Variants in HERC1 observed in about 807,000 individuals in gnomAD.
HERC1 encodes the protein HECT and RLD domain containing E3 ubiquitin protein ligase family member 1, also known as probable E3 ubiquitin-protein ligase HERC1.
A neutral mutation model predicts 554.3 loss-of-function variants in HERC1; 160 were observed. The ratio of observed to expected loss-of-function variants is 0.29; its 90% CI spans 0.25 to 0.33. HERC1 has a LOEUF of 0.33. Among genes scored for constraint, HERC1 ranks in the 10% least tolerant of loss-of-function variants. The pLI, the probability that HERC1 is intolerant of heterozygous loss-of-function variation, is 1.00. For synonymous variants in HERC1, 2,175 were observed against 2,131.7 expected, an observed-to-expected ratio of 1.02 and a Z score of -0.56; for missense variants, 4,919 against 5,918.5, an observed-to-expected ratio of 0.83 and a Z score of 5.54.
chr15:63,632,403 G>C (rs2068600587), intron 68 of HERC1: 2 of 407,178 alleles, frequency 4.9e-6, no homozygotes, highest in Non-Finnish European at 9.2e-6. Flanking sequence ...AGCTCTGATG[G>C]TCAAGGCAGT....
intron 55 of HERC1, among the ~76,000 whole-genome samples, chr15:63,646,993 G>A (rs1278284655): frequency 6.6e-6 from 1 of 152,058 alleles, no homozygotes; most frequent in Non-Finnish European, 1.5e-5. Flanking sequence ...GTTGGCTCAC[G>A]CCTGTAATCC....
chr15:63,612,350 C>G lies in HERC1; in HGVS notation c.14301G>C (p.Glu4767Asp), dbSNP rs2067638472. 2.5e-6 allele frequency: 4 copies of G among 1,614,062 alleles called. No homozygotes were observed. The highest frequency in any genetic ancestry group is 3.4e-6 in the Non-Finnish European group (4 of 1,179,886). The change falls in exon 77 of 78, where the codon GAG becomes GAC. Residue 4767 changes from glutamate (E) to aspartate (D), a missense_variant. Physicochemically the swap from Glu to Asp is conservative, Grantham distance 45 (BLOSUM62 2). This residue lies in a region of HERC1 where 284 missense variants were observed against 294.1 expected (regional missense o/e 0.97). Coordinates refer to ENST00000443617, the MANE Select transcript of HERC1 (RefSeq NM_003922.4). This position sits in a 1 kb window ranked among gnomAD's most constrained non-coding sequence, Gnocchi z 5.0. ...CAAACCTCATGAAAAGCACCCGCTC[C>G]TCATTGGAGAACTCTTCCAGCGTGT... ...FWHTLEEFSN[E>D]ERVLFMRFVS... is the part of the protein sequence containing the mutation.
chr15:63,647,227 C>A (rs1402908060), intron 55 of HERC1, among the ~76,000 whole-genome samples: 1 of 151,162 alleles, frequency 6.6e-6, no homozygotes, highest in Non-Finnish European at 1.5e-5. Flanking sequence ...GCACTCCAGC[C>A]TGGGCGAAAA....
intron 73 of HERC1, among the ~76,000 whole-genome samples, chr15:63,623,123 C>T (rs1413486564): frequency 6.6e-6 from 1 of 152,160 alleles, no homozygotes; most frequent in East Asian, 1.9e-4. Context: ...GAAAGTCAAT[C>T]CAGGGCAGGA....
chr15:63,772,189 C>G (rs1214789080), intron 2 of HERC1, among the ~76,000 whole-genome samples: 1 of 151,604 alleles, frequency 6.6e-6, no homozygotes, highest in Non-Finnish European at 1.5e-5. Context: ...TGCATACAAG[C>G]CTAGACAATG....
chr15:63,624,338 A>G lies in HERC1; in HGVS notation c.13276-11T>C, dbSNP rs1179345774. ...ATGGGATGTGCTGTTCTGTAACAGA[A>G]GGTACGGTTATCAGAAATGGTACAA... On this transcript the variant is annotated splice_polypyrimidine_tract_variant and intron_variant, in intron 71 of 77. Transcript: ENST00000443617. 9 of 1,572,284 alleles carry G rather than the reference A, an allele frequency of 5.7e-6. No homozygotes were observed. Among genetic ancestry groups the G allele is most frequent in the Non-Finnish European group, 6.9e-6 (8 of 1,156,510 alleles).
At chr15:63,651,627 G>C (rs2069684429) in intron 52 of HERC1, among the ~76,000 whole-genome samples, 1 of 152,190 alleles carries the variant, frequency 6.6e-6, no homozygotes, top group South Asian at 2.1e-4. Flanking sequence ...TGTCAATAAA[G>C]ACATTCAAAT....
chr15:63,625,829 AAC>A (rs2068279572), intron 71 of HERC1, 154 bp downstream of exon 71: 2 of 796,382 alleles, frequency 2.5e-6, no homozygotes, highest in East Asian at 5.3e-5. Context: ...GACTGTCCCT[AAC>A]ACAGCAATAA....
intron 59 of HERC1, 35 bp from the exon 60 acceptor site, chr15:63,641,678 T>A (rs996617298): frequency 6.7e-6 from 10 of 1,481,918 alleles, no homozygotes; most frequent in Admixed American, 4.6e-5. Context: ...ATAATAAATT[T>A]GTTTAAATAA....
intron 19 of HERC1, among the ~76,000 whole-genome samples, chr15:63,721,441 G>A (rs1020348078): frequency 1.6e-4 from 25 of 152,100 alleles, no homozygotes; most frequent in South Asian, 2.1e-4. Flanking sequence ...CAGGAGAATC[G>A]TTTGAACTCG....
intron 14 of HERC1, among the ~76,000 whole-genome samples, chr15:63,731,851 G>C (rs937881764): frequency 5.9e-5 from 9 of 152,146 alleles, no homozygotes; most frequent in African/African-American, 2.2e-4. Context: ...GGGGTTATTT[G>C]GGCAAGGTTT....
intron 12 of HERC1, among the ~76,000 whole-genome samples, chr15:63,744,164 G>GTGTGTCTCTCTCTCTC: frequency 2.2e-5 from 1 of 46,222 alleles, no homozygotes; most frequent in Non-Finnish European, 5.3e-5. Flanking sequence ...GTGTGTGTGT[G>GTGTGTCTCTCTCTCTC]TCTCTCTCTC....
intron 64 of HERC1, 63 bp downstream of exon 64, chr15:63,637,442 T>G: frequency 5.7e-6 from 8 of 1,411,008 alleles, no homozygotes; most frequent in Non-Finnish European, 7.8e-6. Context: ...GGCAAAGGTT[T>G]GTACGACCAA....
At chr15:63,786,561 T>C (rs1331780473) in intron 1 of HERC1, among the ~76,000 whole-genome samples, 6 of 152,220 alleles carry the variant, frequency 3.9e-5, no homozygotes, top group Non-Finnish European at 8.8e-5. Flanking sequence ...CAGTGGAATA[T>C]TATTCAGCCA....
At chr15:63,780,345 AAGAC>A (rs1170472486) in intron 1 of HERC1, 2 of 152,196 alleles carry the variant, frequency 1.3e-5, no homozygotes, top group African/African-American at 4.8e-5. Context: ...AAATTATACA[AAGAC>A]AGAACAGGAA....
chr15:63,775,952 C>T lies in HERC1; in HGVS notation c.-26-303G>A, dbSNP rs1432873344. On this transcript the variant is annotated intron_variant, in intron 1 of 77. Coordinates refer to ENST00000443617, the MANE Select transcript of HERC1 (RefSeq NM_003922.4). This position sits in a 1 kb window ranked among gnomAD's most constrained non-coding sequence, Gnocchi z 4.0. ...GCTTGGGAGGCTGAGGCAGGAGAAT[C>T]GCTTGAACCTGGGAGGCGGAGGTTG... is the stretch of plus-strand genomic sequence containing the variant. 2.6e-5 allele frequency among the ~76,000 whole-genome samples: 4 copies of T among 151,248 alleles called. No individual in the cohort carries two copies. The highest frequency in any genetic ancestry group is 5.9e-5 in the Non-Finnish European group (4 of 67,890).
intron 74 of HERC1, among the ~76,000 whole-genome samples, chr15:63,622,090 T>G (rs1306083913): frequency 6.6e-6 from 1 of 152,196 alleles, no homozygotes; most frequent in Non-Finnish European, 1.5e-5. Flanking sequence ...GATCCAAAAT[T>G]CAAAATTTTG....
chr15:63,693,568 TAGGTTAGAGATGGCTTGTCAGGATCA>T (rs563052726), intron 30 of HERC1, among the ~76,000 whole-genome samples: 4,508 of 152,122 alleles, frequency 0.03, 102 homozygotes, highest in Middle Eastern at 0.054. Context: ...GGTCAGGACT[TAGGTTAGAGATGGCTTGTCAGGATCA>T]AGGTTAGAGA....
In HERC1 at chr15:63,758,288, C is replaced by T; in HGVS notation, c.1108G>A (p.Glu370Lys). 7 of 1,613,612 alleles carry T rather than the reference C, an allele frequency of 4.3e-6. No individual in the cohort carries two copies. Among genetic ancestry groups the T allele is most frequent in the Admixed American group, 1.7e-5 (1 of 59,988 alleles). Reference sequence around the variant, plus strand: ...CCCCAAACATAAACCTCACAGGTTTCGGAGACAATGGGAGCATCACCAGTC... The same window carrying T: ...CCCCAAACATAAACCTCACAGGTTTTGGAGACAATGGGAGCATCACCAGTC... ...IQTGDAPIVS[E>K]TCEVYVWGSN... Residue 370 changes from glutamate to lysine, a missense_variant, in exon 4 of 78, where the codon GAA becomes AAA. Glu to Lys is a moderately conservative substitution (Grantham distance 56). This residue lies in a region of HERC1 where 744 missense variants were observed against 1,090.0 expected (regional missense o/e 0.68). Coordinates refer to ENST00000443617, the MANE Select transcript of HERC1 (RefSeq NM_003922.4). This position sits in a 1 kb window ranked among gnomAD's most constrained non-coding sequence, Gnocchi z 4.0.
Sources: gnomAD v4.1 joint callset for allele counts (sites outside exome capture counted in the v4.1 genomes callset) on GRCh38, gnomAD v4.1.1 for gene constraint, gnomAD v4.1.1 regional missense constraint, Gnocchi (gnomAD v3.1) non-coding constraint, MANE v1.5 for transcripts, NCBI Gene and HGNC (gene_info 2026-07-23, HGNC 2026-07-21) for gene names.